NALCN: variants seen among roughly 807,000 people sequenced by gnomAD.
NALCN encodes sodium leak channel, non-selective.
In NALCN, 111 loss-of-function variants were observed where a neutral mutation model predicts 225.3. That is an observed-to-expected ratio of 0.49 (90% confidence interval 0.42 to 0.58). NALCN has a LOEUF of 0.58. Among genes scored for constraint, NALCN ranks in the 20% least tolerant of loss-of-function variants. The pLI, the probability that NALCN is intolerant of heterozygous loss-of-function variation, is 0.00. For synonymous variants in NALCN, 764 were observed against 769.0 expected (o/e 0.99, Z 0.11); for missense variants, 1,378 against 2,202.4 (o/e 0.63, Z 7.49).
intron 13 of NALCN, among the ~76,000 whole-genome samples, chr13:101,197,843 G>C (rs1400975088): frequency 3.3e-5 from 5 of 152,326 alleles, no homozygotes; most frequent in African/African-American, 1.2e-4. Context: ...CCATGCAGTT[G>C]AGTGGGACAA....
intron 28 of NALCN, among the ~76,000 whole-genome samples, chr13:101,092,815 T>A (rs1421838457): frequency 6.6e-6 from 1 of 152,144 alleles, no homozygotes; most frequent in Non-Finnish European, 1.5e-5. Flanking sequence ...CTAGAACATA[T>A]CACAGTGTAG....
chr13:101,401,230 T>C (rs1260970374), intron 1 of NALCN, among the ~76,000 whole-genome samples: 1 of 152,192 alleles, frequency 6.6e-6, no homozygotes, highest in Non-Finnish European at 1.5e-5. Flanking sequence ...ATTTATGTTA[T>C]ATAATTGGAG....
intron 7 of NALCN, among the ~76,000 whole-genome samples, chr13:101,311,317 T>C (rs1028063807): frequency 2.0e-5 from 3 of 151,900 alleles, no homozygotes; most frequent in Admixed American, 2.0e-4. Flanking sequence ...CAGGGACAAT[T>C]TGACTTCCTC....
At chr13:101,152,402 A>G (rs936992299) in intron 15 of NALCN, among the ~76,000 whole-genome samples, 12 of 152,156 alleles carry the variant, frequency 7.9e-5, no homozygotes, top group Admixed American at 1.3e-4. Flanking sequence ...AGCACTTATA[A>G]CAGACTGTTG....
At chr13:101,105,155 G>A (rs564434663) in intron 22 of NALCN, among the ~76,000 whole-genome samples, 2 of 152,126 alleles carry the variant, frequency 1.3e-5, no homozygotes, top group African/African-American at 4.8e-5. Context: ...TGCAGTTGAT[G>A]CTTATGAAAA....
intron 13 of NALCN, among the ~76,000 whole-genome samples, chr13:101,207,682 C>A (rs1476470517): frequency 1.3e-5 from 2 of 152,070 alleles, no homozygotes; most frequent in Non-Finnish European, 2.9e-5. Context: ...TGTAAACACA[C>A]CAATCAGCAC....
At chr13:101,397,534 TTA>T (rs1469932088) in intron 2 of NALCN, among the ~76,000 whole-genome samples, 14 of 151,442 alleles carry the variant, frequency 9.2e-5, no homozygotes, top group Middle Eastern at 3.5e-3. Flanking sequence ...CACATGATAT[TTA>T]TATGTGTGGG....
intron 6 of NALCN, among the ~76,000 whole-genome samples, chr13:101,360,769 C>T (rs1166310350): frequency 6.6e-6 from 1 of 152,282 alleles, no homozygotes; most frequent in East Asian, 1.9e-4. Context: ...AAAGACATAC[C>T]TGCCTCTTTG....
intron 13 of NALCN, among the ~76,000 whole-genome samples, chr13:101,218,593 TGATTA>T (rs2040826271): frequency 6.6e-6 from 1 of 151,768 alleles, no homozygotes; most frequent in South Asian, 2.1e-4. Flanking sequence ...CTGATGGGAG[TGATTA>T]GATTATAGGG....
At chr13:101,184,715 T>C (rs1164781143) in intron 14 of NALCN, among the ~76,000 whole-genome samples, 1 of 152,202 alleles carries the variant, frequency 6.6e-6, no homozygotes, top group East Asian at 1.9e-4. Context: ...CTGAAAAGTA[T>C]GATTTATTTT....
At chr13:101,107,945 A>AC (rs1486268675) in intron 20 of NALCN, among the ~76,000 whole-genome samples, 156 bp from the exon 21 acceptor site, 5 of 148,996 alleles carry the variant, frequency 3.4e-5, no homozygotes, top group East Asian at 1.9e-4. Context: ...ATATATTTAT[A>AC]TTAAATGTAT....
intron 17 of NALCN, among the ~76,000 whole-genome samples, chr13:101,139,003 G>A (rs185543538): frequency 1.9e-3 from 289 of 152,120 alleles, no homozygotes; most frequent in African/African-American, 6.4e-3. Context: ...GACCACTTGG[G>A]AAGGTCGTTT....
At chr13:101,295,064 A>G (rs1369517832) in intron 7 of NALCN, among the ~76,000 whole-genome samples, 1 of 152,164 alleles carries the variant, frequency 6.6e-6, no homozygotes, top group Admixed American at 6.5e-5. Context: ...ATCCATATGA[A>G]CAGGCGCCCC....
intron 6 of NALCN, among the ~76,000 whole-genome samples, chr13:101,363,635 G>T (rs1434573868): frequency 2.6e-5 from 4 of 152,192 alleles, no homozygotes; most frequent in Non-Finnish European, 4.4e-5. Context: ...ACTCCTAGAA[G>T]AAAACATTGG....
At chr13:101,368,086 C>T (rs1485648716) in intron 6 of NALCN, among the ~76,000 whole-genome samples, 1 of 151,270 alleles carries the variant, frequency 6.6e-6, no homozygotes. Context: ...ATGTGCCATG[C>T]TGGTGTGCTG....
At chr13:101,366,459 T>C (rs2046379100) in intron 6 of NALCN, among the ~76,000 whole-genome samples, 1 of 152,146 alleles carries the variant, frequency 6.6e-6, no homozygotes, top group Non-Finnish European at 1.5e-5. Flanking sequence ...CTATAATACA[T>C]GCAAATCAAT....
intron 17 of NALCN, among the ~76,000 whole-genome samples, chr13:101,134,798 T>G (rs2036690436): frequency 6.6e-6 from 1 of 152,158 alleles, no homozygotes; most frequent in South Asian, 2.1e-4. Context: ...CTCCAACATC[T>G]TACACATCAA....
chr13:101,287,376 TG>T (rs1354788984), intron 9 of NALCN, among the ~76,000 whole-genome samples: 11 of 152,160 alleles, frequency 7.2e-5, no homozygotes, highest in African/African-American at 2.7e-4. Context: ...AATTGAAAGG[TG>T]GTAGCATCTC....
intron 15 of NALCN, 30 bp from the exon 16 acceptor site, chr13:101,144,926 G>A: frequency 2.5e-6 from 4 of 1,593,500 alleles, no homozygotes; most frequent in South Asian, 1.2e-5. Context: ...AAGAAAAAAA[G>A]GGGGAACCTA....
Sources: allele counts gnomAD v4.1 joint callset (sites outside exome capture counted in the v4.1 genomes callset), GRCh38; gene constraint gnomAD v4.1.1; transcripts MANE v1.5; gene names NCBI Gene and HGNC (gene_info 2026-07-23, HGNC 2026-07-21).